SH3BGRL2: variants seen among roughly 807,000 people sequenced by gnomAD.
The protein encoded by SH3BGRL2 is SH3 domain-binding glutamic acid-rich-like protein 2.
In SH3BGRL2, 21 loss-of-function variants were observed where a neutral mutation model predicts 14.8. That is an observed-to-expected ratio of 1.42 (90% CI 1.01 to 2.05). The LOEUF (loss-of-function observed/expected upper bound fraction) is 2.05, where lower values mean the gene tolerates loss of function less well. Among genes scored for constraint, SH3BGRL2 ranks in the 30% most tolerant of loss-of-function variants. SH3BGRL2 has a pLI of 0.00. For missense variants in SH3BGRL2, 147 were observed against 130.8 expected, an observed-to-expected ratio of 1.12 and a Z score of -0.61; for synonymous variants, 50 against 47.8, an observed-to-expected ratio of 1.05 and a Z score of -0.19.
At chr6:79,597,022 G>C in the SH3BGRL2 span, among the ~76,000 whole-genome samples, 1 of 152,122 alleles carries the variant, frequency 6.6e-6, no homozygotes, top group Admixed American at 6.6e-5. Flanking sequence ...GTGAGGTCAG[G>C]AATTCGAGAT....
chr6:79,545,251 C>A, the SH3BGRL2 span, among the ~76,000 whole-genome samples: 1 of 152,148 alleles, frequency 6.6e-6, no homozygotes, highest in Non-Finnish European at 1.5e-5. Flanking sequence ...CCCCTGCAGG[C>A]CTGTTTGGGC....
At chr6:79,665,954 G>A (rs1769651796) in intron 1 of SH3BGRL2, among the ~76,000 whole-genome samples, 2 of 152,152 alleles carry the variant, frequency 1.3e-5, no homozygotes, top group African/African-American at 4.8e-5. Context: ...TGTACTTTAT[G>A]TATAATCTCT....
the SH3BGRL2 span, among the ~76,000 whole-genome samples, chr6:79,599,081 CAAAA>C: frequency 3.6e-5 from 4 of 112,272 alleles, no homozygotes; most frequent in African/African-American, 3.4e-5. Context: ...AACTCTGTCT[CAAAA>C]AAAAAAAAAA....
chr6:79,631,165 G>A (rs1298223624), upstream of SH3BGRL2: 1 of 333,866 alleles, frequency 3.0e-6, no homozygotes, highest in Non-Finnish European at 5.4e-6. Flanking sequence ...GGATAGAAGC[G>A]CGGTCAGGAG....
In SH3BGRL2 at chr6:79,631,415, GC is replaced by G; in HGVS notation, c.-44del. The G allele has an allele frequency of 6.7e-7, 1 of 1,489,876 alleles. No homozygotes were observed. The highest frequency in any genetic ancestry group is 8.9e-7 in the Non-Finnish European group (1 of 1,117,346). 92.3% of individuals were successfully genotyped at this position (1,489,876 alleles called of 1,614,324 possible). On this transcript the variant is annotated 5_prime_UTR_variant, in exon 1 of 4. Transcript: ENST00000369838. The stretch of plus-strand genomic sequence containing the variant: ...TGGGTTCAGCTCTGCGTCCACGCCA[GC>G]CCGGAGCCCGGGGGGCAAGGGGTCT...
At chr6:79,540,247 A>C in the SH3BGRL2 span, among the ~76,000 whole-genome samples, 1 of 152,016 alleles carries the variant, frequency 6.6e-6, no homozygotes, top group Non-Finnish European at 1.5e-5. Flanking sequence ...ATCCTGGCTA[A>C]CACAGTAAAA....
In SH3BGRL2 at chr6:79,631,425, CG is replaced by C; in HGVS notation, c.-31del. On this transcript the variant is annotated 5_prime_UTR_variant, in exon 1 of 4. Transcript: ENST00000369838. ...TCTGCGTCCACGCCAGCCCGGAGCC[CG>C]GGGGGCAAGGGGTCTGTCCCGGGCG... is the stretch of plus-strand genomic sequence containing the variant. 12 of 1,505,140 alleles carry C rather than the reference CG, an allele frequency of 8.0e-6. No homozygotes were observed. The highest frequency in any genetic ancestry group is 1.3e-5 in the South Asian group (1 of 76,686). 93.2% of individuals were successfully genotyped at this position (1,505,140 alleles called of 1,614,324 possible).
chr6:79,588,289 T>TAAAAA, the SH3BGRL2 span, among the ~76,000 whole-genome samples: 7 of 124,010 alleles, frequency 5.6e-5, 1 homozygote, highest in Admixed American at 3.4e-4. Context: ...AGACTCTGTC[T>TAAAAA]AAAAAAAAAA....
the SH3BGRL2 span, among the ~76,000 whole-genome samples, chr6:79,550,652 A>G: frequency 6.6e-6 from 1 of 152,198 alleles, no homozygotes; most frequent in Non-Finnish European, 1.5e-5. Flanking sequence ...CAAGGAATCA[A>G]GGTATTGAGT....
chr6:79,614,179 T>C, the SH3BGRL2 span, among the ~76,000 whole-genome samples: 2 of 152,240 alleles, frequency 1.3e-5, no homozygotes, highest in South Asian at 4.1e-4. Flanking sequence ...GTCTGAACCA[T>C]TAGCTTATGT....
At chr6:79,682,328 G>GTC (rs1770003929) in intron 2 of SH3BGRL2, among the ~76,000 whole-genome samples, 1 of 152,030 alleles carries the variant, frequency 6.6e-6, no homozygotes, top group South Asian at 2.1e-4. Flanking sequence ...TTGAGATGGA[G>GTC]TCTCTCTCTG....
chr6:79,651,028 T>C (rs1311400730), intron 1 of SH3BGRL2, among the ~76,000 whole-genome samples: 2 of 151,932 alleles, frequency 1.3e-5, no homozygotes, highest in African/African-American at 4.8e-5. Flanking sequence ...TAAATAGAAG[T>C]CGTTTTTATA....
chr6:79,680,824 G>A (rs1769975111), intron 2 of SH3BGRL2, among the ~76,000 whole-genome samples: 1 of 152,046 alleles, frequency 6.6e-6, no homozygotes, highest in Admixed American at 6.6e-5. Context: ...TTTTGATGCT[G>A]TTGTAAATAA....
the SH3BGRL2 span, among the ~76,000 whole-genome samples, chr6:79,560,221 T>G: frequency 6.6e-6 from 1 of 152,152 alleles, no homozygotes; most frequent in Non-Finnish European, 1.5e-5. Context: ...AGTTTAGACA[T>G]TGTGATTAGT....
chr6:79,645,853 C>CT (rs1769133012), intron 1 of SH3BGRL2, among the ~76,000 whole-genome samples: 1 of 152,134 alleles, frequency 6.6e-6, no homozygotes. Flanking sequence ...AAGTACCTGT[C>CT]TATTTGCTAT....
the SH3BGRL2 span, among the ~76,000 whole-genome samples, chr6:79,540,974 C>G: frequency 6.6e-6 from 1 of 151,952 alleles, no homozygotes; most frequent in Non-Finnish European, 1.5e-5. Context: ...AGTTTCCAGC[C>G]GGGCATGGTG....
chr6:79,696,908 T>C (rs1005251529), intron 3 of SH3BGRL2, among the ~76,000 whole-genome samples: 4 of 152,122 alleles, frequency 2.6e-5, no homozygotes, highest in African/African-American at 9.6e-5. Flanking sequence ...AATAGCAGAC[T>C]CAGAGTCATA....
chr6:79,559,633 T>C, the SH3BGRL2 span, among the ~76,000 whole-genome samples: 1 of 152,178 alleles, frequency 6.6e-6, no homozygotes, highest in Non-Finnish European at 1.5e-5. Context: ...CAGGACATGA[T>C]TGAGCAGACT....
At chr6:79,622,800 T>C in the SH3BGRL2 span, among the ~76,000 whole-genome samples, 3 of 152,192 alleles carry the variant, frequency 2.0e-5, no homozygotes, top group African/African-American at 7.2e-5. Context: ...TTTTTAAAAA[T>C]TAATTATTTA....
Sources: gnomAD v4.1 joint callset for allele counts (sites outside exome capture counted in the v4.1 genomes callset) on GRCh38, gnomAD v4.1.1 for gene constraint, MANE v1.5 for transcripts, NCBI Gene and HGNC (gene_info 2026-07-23, HGNC 2026-07-21) for gene names.